The following SPTA1 variants were observed in gnomAD, a reference collection of about 807,000 sequenced individuals.
SPTA1 encodes the protein spectrin alpha chain, erythrocytic 1.
In SPTA1, 177 loss-of-function variants were observed where a neutral mutation model predicts 324.7. The ratio of observed to expected loss-of-function variants is 0.55; its 90% CI spans 0.48 to 0.62. The LOEUF (loss-of-function observed/expected upper bound fraction) is 0.62, where lower values mean the gene tolerates loss of function less well. Among genes scored for constraint, SPTA1 ranks in the 20% least tolerant of loss-of-function variants. The pLI, the probability that SPTA1 is intolerant of heterozygous loss-of-function variation, is 0.00. For missense variants in SPTA1, 3,162 were observed against 2,883.6 expected (o/e 1.10, Z -2.21); for synonymous variants, 1,195 against 1,041.3 (o/e 1.15, Z -2.84).
chr1:158,640,018 G>T lies in SPTA1; in HGVS notation c.4738-11C>A, dbSNP rs750758069. 1 of 1,613,696 alleles carries T rather than the reference G, an allele frequency of 6.2e-7. No homozygotes were observed. The highest frequency in any genetic ancestry group is 8.5e-7 in the Non-Finnish European group (1 of 1,179,770). On this transcript the variant is annotated splice_polypyrimidine_tract_variant and intron_variant, in intron 33 of 51. Coordinates refer to ENST00000643759, the MANE Select transcript of SPTA1 (RefSeq NM_003126.4). ...CTGTTCCAGTTGCTCCTAACCCAAG[G>T]AGAGTGAGGAGTCATTACAATCTTT...
intron 39 of SPTA1, among the ~76,000 whole-genome samples, chr1:158,627,997 T>G (rs979310276): frequency 2.0e-5 from 3 of 152,222 alleles, no homozygotes; most frequent in African/African-American, 7.2e-5. Flanking sequence ...GATTTTGGAA[T>G]GAGGGTTTTG....
intron 33 of SPTA1, 25 bp downstream of exon 33, chr1:158,642,386 G>A (rs369897340): frequency 6.2e-7 from 1 of 1,611,208 alleles, no homozygotes; most frequent in African/African-American, 1.3e-5. Flanking sequence ...TGACTTTGTA[G>A]CCCAAAACTC....
chr1:158,634,576 T>TCGGACAGC lies in SPTA1; in HGVS notation c.5524_5531dup (p.Gly1845LeufsTer10). On this transcript the variant is annotated frameshift_variant, in exon 39 of 52. Coordinates refer to ENST00000643759, the MANE Select transcript of SPTA1 (RefSeq NM_003126.4). LOFTEE classifies it high-confidence loss of function. ...CAGCTAATGTATCTCCACAATCTCC[T>TCGGACAGC]CGGACAGCCAAAGCATTCTTTTCAT... The TCGGACAGC allele has an allele frequency of 6.2e-7, 1 of 1,614,156 alleles. No homozygotes were observed. Among genetic ancestry groups the TCGGACAGC allele is most frequent in the Non-Finnish European group, 8.5e-7 (1 of 1,180,024 alleles).
intron 5 of SPTA1, among the ~76,000 whole-genome samples, chr1:158,679,115 G>A (rs1023336522): frequency 2.0e-5 from 3 of 151,328 alleles, no homozygotes; most frequent in African/African-American, 4.9e-5. Context: ...TTCATACTTT[G>A]CAATTTTGAG....
intron 19 of SPTA1, 85 bp downstream of exon 19, chr1:158,657,391 CT>C: frequency 7.4e-7 from 1 of 1,355,732 alleles, no homozygotes; most frequent in Non-Finnish European, 1.1e-6. Flanking sequence ...GAATCTGTAG[CT>C]GTCCCACAAC....
chr1:158,656,432 A>G, intron 20 of SPTA1, 132 bp downstream of exon 20: 2 of 817,900 alleles, frequency 2.4e-6, no homozygotes, highest in Admixed American at 1.8e-5. Flanking sequence ...CCTGCATACA[A>G]GGGTCATAGA....
intron 48 of SPTA1, 68 bp downstream of exon 48, chr1:158,615,148 C>T (rs1255967018): frequency 6.3e-7 from 1 of 1,587,938 alleles, no homozygotes; most frequent in Non-Finnish European, 8.6e-7. Flanking sequence ...AACTCTCGCC[C>T]TTAGTTAAGG....
rs757845058 is a variant in SPTA1, at chr1:158,657,623, G to T, written c.2659C>A (p.Arg887=). 6.2e-7 allele frequency: 1 copy of T among 1,613,936 alleles called. No homozygotes were observed. The highest frequency in any genetic ancestry group is 8.5e-7 in the Non-Finnish European group (1 of 1,180,016). The change falls in exon 19 of 52, where the codon CGA becomes AGA. Residue 887 remains arginine (R), a synonymous_variant. Coordinates refer to ENST00000643759, the MANE Select transcript of SPTA1 (RefSeq NM_003126.4). ...AGATCATTTTGTCGCCTAGCAGCTC[G>T]AGCACGGAGAGACTCCATATTCTGG... ...LNQNMESLRA[R]AARRQNDLEA...
At chr1:158,668,923 A>G (rs1361438809) in intron 14 of SPTA1, among the ~76,000 whole-genome samples, 1 of 152,200 alleles carries the variant, frequency 6.6e-6, no homozygotes, top group African/African-American at 2.4e-5. Flanking sequence ...TGGTTTCTTT[A>G]ACTATAAAAT....
chr1:158,619,249 G>A lies in SPTA1; in HGVS notation c.6503C>T (p.Thr2168Ile). ...GGTTTCCAGGATCCATTGAAGGAAG[G>A]TACTGGCATTCTGTTCAAACTCCTG... ...MCQEFEQNASTFLQWILETRA... is the reference protein window; with the variant it reads ...MCQEFEQNASIFLQWILETRA... Residue 2168 changes from threonine to isoleucine, a missense_variant, in exon 45 of 52, where the codon ACC becomes ATC. Thr to Ile is a moderately conservative substitution (Grantham distance 89). Transcript: ENST00000643759. The A allele has an allele frequency of 6.2e-7, 1 of 1,614,046 alleles. No individual in the cohort carries two copies. Among genetic ancestry groups the A allele is most frequent in the Non-Finnish European group, 8.5e-7 (1 of 1,179,972 alleles).
At chr1:158,680,366 A>G (rs1274190112) in intron 5 of SPTA1, among the ~76,000 whole-genome samples, 1 of 151,958 alleles carries the variant, frequency 6.6e-6, no homozygotes, top group Non-Finnish European at 1.5e-5. Flanking sequence ...ACAAAAACAC[A>G]CTCTCTCTTT....
chr1:158,674,275 T>C (rs1369488879), intron 10 of SPTA1, 54 bp downstream of exon 10: 16 of 1,477,522 alleles, frequency 1.1e-5, no homozygotes, highest in Non-Finnish European at 1.3e-5. Context: ...TGTGAGATTA[T>C]GTAATGACTA....
chr1:158,629,221 C>CTATCTATA (rs1349280674), intron 39 of SPTA1, among the ~76,000 whole-genome samples: 1 of 150,146 alleles, frequency 6.7e-6, no homozygotes, highest in East Asian at 1.9e-4. Context: ...ATCTATCTAT[C>CTATCTATA]TATCTGAATA....
chr1:158,656,964 C>G (rs1652874086), intron 19 of SPTA1, among the ~76,000 whole-genome samples: 2 of 152,106 alleles, frequency 1.3e-5, no homozygotes, highest in Admixed American at 1.3e-4. Context: ...ATTAGTGTAA[C>G]TTAAAATATG....
In SPTA1 at chr1:158,671,478, T is replaced by A. The variant is rs1360741212; in HGVS notation, c.1489-25A>T. On this transcript the variant is annotated intron_variant, in intron 11 of 51. Coordinates refer to ENST00000643759, the MANE Select transcript of SPTA1 (RefSeq NM_003126.4). ...CCTGTAGAAGACAGAAAGACACACC[T>A]AAGCTGTGTCTGACCGGTAAGAAAC... The A allele has an allele frequency of 3.2e-6, 5 of 1,580,268 alleles. No homozygotes were observed. The Admixed American group carries it at 6.7e-5, about 21-fold the overall frequency.
chr1:158,636,734 C>G lies in SPTA1; in HGVS notation c.5217G>C (p.Gln1739His). 2 of 1,614,086 alleles carry G rather than the reference C, an allele frequency of 1.2e-6. No individual in the cohort carries two copies. Among genetic ancestry groups the G allele is most frequent in the East Asian group, 4.5e-5 (2 of 44,886 alleles). ...IEEKLIRVSSQDYGRDLQGVQ... is the reference protein window; with the variant it reads ...IEEKLIRVSSHDYGRDLQGVQ... ...CCCCCTGAAGATCTCTCCCATAGTC[C>G]TGGGAGCTCACTCGTATCAACTTCT... is the stretch of plus-strand genomic sequence containing the variant. The change falls in exon 37 of 52, where the codon CAG becomes CAC. Residue 1739 changes from glutamine to histidine, a missense_variant. By Grantham distance (24) the Gln-to-His change is conservative (BLOSUM62 0). Coordinates refer to ENST00000643759, the MANE Select transcript of SPTA1 (RefSeq NM_003126.4).
chr1:158,642,373 A>G (rs776628183), intron 33 of SPTA1, 38 bp downstream of exon 33: 2 of 1,607,702 alleles, frequency 1.2e-6, no homozygotes, highest in Admixed American at 1.7e-5. Flanking sequence ...ATTCCTCTTC[A>G]TGTGACTTTG....
rs772533002 is a variant in SPTA1 at position 158,612,853 on chromosome 1, C to T, written c.7098G>A (p.Glu2366=). Residue 2366 remains glutamate, a synonymous_variant, in exon 51 of 52, where the codon GAG becomes GAA. Transcript: ENST00000643759. The part of the protein sequence containing the change: ...EIENAFQALA[E]GKSYITKEDM... ...CTTCTTTGGTAATATATGACTTGCC[C>T]TCTGCCAGGGCTTGGAAGGCATTCT... The T allele has an allele frequency of 1.2e-6, 2 of 1,613,906 alleles. No individual in the cohort carries two copies. The highest frequency in any genetic ancestry group is 1.7e-6 in the Non-Finnish European group (2 of 1,179,894).
In SPTA1 at chr1:158,683,374, C is replaced by T. The variant is rs756658385; in HGVS notation, c.387G>A (p.Thr129=). 5 of 1,613,048 alleles carry T rather than the reference C, an allele frequency of 3.1e-6. No homozygotes were observed. The highest frequency in any genetic ancestry group is 1.1e-5 in the South Asian group (1 of 91,070). Residue 129 remains threonine (T), a synonymous_variant, in exon 3 of 52, where the codon ACG becomes ACA. Coordinates refer to ENST00000643759, the MANE Select transcript of SPTA1 (RefSeq NM_003126.4). ...FTMGHSAHEE[T]KAHIEELRHL... ...CTTCAAGGGCCCATACATATACCTT[C>T]GTTTCTTCGTGGGCAGAATGACCCA... is the stretch of plus-strand genomic sequence containing the variant.
Sources: allele counts gnomAD v4.1 joint callset (sites outside exome capture counted in the v4.1 genomes callset), GRCh38; gene constraint gnomAD v4.1.1; transcripts MANE v1.5; gene names NCBI Gene and HGNC (gene_info 2026-07-23, HGNC 2026-07-21).